IL12RB2: variants seen among roughly 807,000 people sequenced by gnomAD.
IL12RB2 encodes interleukin 12 receptor subunit beta 2, also known as interleukin-12 receptor subunit beta-2.
Under a neutral mutation model 89.4 loss-of-function variants are expected in IL12RB2, and 82 were observed. That is an observed-to-expected ratio of 0.92 (90% confidence interval 0.77 to 1.10). The LOEUF (loss-of-function observed/expected upper bound fraction) is 1.10, where lower values mean the gene tolerates loss of function less well. Ranked by LOEUF, IL12RB2 falls within the 50% of genes least tolerant of loss-of-function variation. The pLI is 0.00. For missense variants in IL12RB2, 963 were observed against 1,031.9 expected (o/e 0.93, Z 0.92); for synonymous variants, 368 against 370.1 (o/e 0.99, Z 0.07).
intron 10 of IL12RB2, among the ~76,000 whole-genome samples, chr1:67,352,748 A>G (rs1352771568): frequency 2.6e-5 from 4 of 152,256 alleles, no homozygotes; most frequent in Non-Finnish European, 4.4e-5. Context: ...AAAAGGAGCA[A>G]CAAAGATATG....
chr1:67,343,789 T>C (rs956847941), intron 9 of IL12RB2, among the ~76,000 whole-genome samples: 1 of 152,236 alleles, frequency 6.6e-6, no homozygotes, highest in Non-Finnish European at 1.5e-5. Flanking sequence ...TCTTAATTTC[T>C]TTAGCATCCT....
chr1:67,344,526 C>T (rs1660000344), intron 9 of IL12RB2, among the ~76,000 whole-genome samples: 1 of 152,196 alleles, frequency 6.6e-6, no homozygotes, highest in Non-Finnish European at 1.5e-5. Flanking sequence ...CTCCTGATCT[C>T]AAGTGATCCT....
chr1:67,372,496 G>A lies in IL12RB2; in HGVS notation c.1520G>A (p.Gly507Glu). Reference sequence around the variant, plus strand: ...GTGTATGCACTCTCAGGGGATCAAGGAGGATGCAGCTCCATCCTGGGTAAC... The same window carrying A: ...GTGTATGCACTCTCAGGGGATCAAGAAGGATGCAGCTCCATCCTGGGTAAC... ...IRVYALSGDQ[G>E]GCSSILGNSK... is the part of the protein sequence containing the mutation. The change falls in exon 12 of 17, where the codon GGA (glycine) becomes GAA (glutamate). Residue 507 changes from glycine to glutamate, a missense_variant. By Grantham distance (98) the Gly-to-Glu change is moderately conservative. Coordinates refer to ENST00000674203, the MANE Select transcript of IL12RB2 (RefSeq NM_001374259.2). 1.9e-6 allele frequency: 3 copies of A among 1,603,776 alleles called. No homozygotes were observed. Among genetic ancestry groups the A allele is most frequent in the East Asian group, 4.5e-5 (2 of 44,852 alleles).
intron 8 of IL12RB2, among the ~76,000 whole-genome samples, chr1:67,337,901 T>TAAAA (rs11449571): frequency 7.6e-6 from 1 of 132,304 alleles, no homozygotes; most frequent in African/African-American, 2.8e-5. Context: ...TGCATTCTAG[T>TAAAA]AAAAAAAAAA....
At chr1:67,329,482 C>T in intron 6 of IL12RB2, 105 bp from the exon 7 acceptor site, 4 of 794,536 alleles carry the variant, frequency 5.0e-6, no homozygotes, top group Non-Finnish European at 9.2e-6. Flanking sequence ...GGTTGTGCAT[C>T]TCAGAACTGA....
intron 9 of IL12RB2, among the ~76,000 whole-genome samples, chr1:67,340,171 G>T (rs548448899): frequency 1.3e-5 from 2 of 152,072 alleles, no homozygotes; most frequent in South Asian, 4.1e-4. Flanking sequence ...CACATAAAAC[G>T]TCTGGTATAA....
Position 67,352,134 on chromosome 1 carries a change from G to T in IL12RB2, c.1258+1045G>T, listed in dbSNP as rs144690800. Among the ~76,000 whole-genome samples, 11 of 152,196 alleles carry T rather than the reference G, an allele frequency of 7.2e-5. No homozygotes were observed. In the East Asian group the frequency reaches 1.9e-3, roughly 27 times the overall value. On this transcript the variant is annotated intron_variant, in intron 10 of 16. Coordinates refer to ENST00000674203, the MANE Select transcript of IL12RB2 (RefSeq NM_001374259.2). ...AATAAAGTATTAGATAAAATACTTA[G>T]AAGAAAATACAGGTAAGTATTAATG...
At chr1:67,368,106 C>A in intron 11 of IL12RB2, 81 bp downstream of exon 11, 1 of 905,634 alleles carries the variant, frequency 1.1e-6, no homozygotes, top group Non-Finnish European at 1.8e-6. Flanking sequence ...AGCCAGAACC[C>A]TGCCTTCAAT....
rs147149837 is a variant in IL12RB2 at position 67,337,738 on chromosome 1, G to A, written c.959-886G>A. The stretch of plus-strand genomic sequence containing the variant: ...AGGACTTCCCTTTAAGTACATCATT[G>A]TCTAATGATCACACACCAAATAATT... On this transcript the variant is annotated intron_variant, in intron 8 of 16. Transcript: ENST00000674203. 1.3e-4 allele frequency among the ~76,000 whole-genome samples: 20 copies of A among 152,158 alleles called. No individual in the cohort carries two copies. The East Asian group carries it at 3.7e-3, about 28-fold the overall frequency.
At chr1:67,380,936 C>T (rs1291566404) in intron 14 of IL12RB2, among the ~76,000 whole-genome samples, 7 of 152,170 alleles carry the variant, frequency 4.6e-5, no homozygotes, top group Non-Finnish European at 1.0e-4. Context: ...ATGCAATGAT[C>T]CTAATTTCAA....
chr1:67,330,814 T>C lies in IL12RB2; in HGVS notation c.958+4T>C. 6.6e-7 allele frequency: 1 copy of C among 1,511,658 alleles called. No homozygotes were observed. The highest frequency in any genetic ancestry group is 9.2e-7 in the Non-Finnish European group (1 of 1,086,806). The allele number at this position is 1,511,658 out of a possible 1,614,324, so 93.6% of individuals were successfully genotyped here. On this transcript the variant is annotated splice_donor_region_variant and intron_variant, in intron 8 of 16. Transcript: ENST00000674203. Reference sequence around the variant, plus strand: ...AGAGCACAAACACCAGAAGAAGGTATATGTCCAAAATATACATACCTATCG... The same window carrying C: ...AGAGCACAAACACCAGAAGAAGGTACATGTCCAAAATATACATACCTATCG...
chr1:67,345,816 A>G (rs1660152586), intron 9 of IL12RB2, among the ~76,000 whole-genome samples: 1 of 152,212 alleles, frequency 6.6e-6, no homozygotes, highest in African/African-American at 2.4e-5. Flanking sequence ...GAAAGTAGGG[A>G]ATTTTGATTG....
At chr1:67,348,363 C>T (rs1055552986) in intron 9 of IL12RB2, among the ~76,000 whole-genome samples, 1 of 152,136 alleles carries the variant, frequency 6.6e-6, no homozygotes, top group Non-Finnish European at 1.5e-5. Context: ...AGTTCATTGT[C>T]TCAGGCTTGT....
At chr1:67,391,828 A>G (rs1271321979) in intron 16 of IL12RB2, among the ~76,000 whole-genome samples, 1 of 151,870 alleles carries the variant, frequency 6.6e-6, no homozygotes, top group Non-Finnish European at 1.5e-5. Flanking sequence ...TATTTTTAGT[A>G]GAGATGAGGT....
intron 4 of IL12RB2, 23 bp from the exon 5 acceptor site, chr1:67,326,712 G>T (rs1356315459): frequency 6.2e-7 from 1 of 1,609,828 alleles, no homozygotes; most frequent in Non-Finnish European, 8.5e-7. Flanking sequence ...TGATATATAA[G>T]GTTTTGTCTT....
At chr1:67,371,843 G>A (rs1663368990) in intron 11 of IL12RB2, among the ~76,000 whole-genome samples, 1 of 152,146 alleles carries the variant, frequency 6.6e-6, no homozygotes, top group Admixed American at 6.5e-5. Context: ...GGTAACAAGG[G>A]GTCGGATTGC....
chr1:67,362,566 C>T (rs1362324244), intron 10 of IL12RB2, among the ~76,000 whole-genome samples: 1 of 126,954 alleles, frequency 7.9e-6, no homozygotes, highest in African/African-American at 2.9e-5. Flanking sequence ...GAGCGAGACT[C>T]CGTCTCAAAA....
chr1:67,309,282 G>A (rs1342031946), intron 1 of IL12RB2, among the ~76,000 whole-genome samples: 1 of 152,124 alleles, frequency 6.6e-6, no homozygotes, highest in Non-Finnish European at 1.5e-5. Context: ...TTTTACAGAT[G>A]TGGAAACTTA....
intron 2 of IL12RB2, among the ~76,000 whole-genome samples, chr1:67,319,350 A>G (rs530826472): frequency 6.6e-6 from 1 of 152,312 alleles, no homozygotes; most frequent in East Asian, 1.9e-4. Context: ...CAGATCAGAA[A>G]TTGCCAGCTT....
Sources: allele counts gnomAD v4.1 joint callset (sites outside exome capture counted in the v4.1 genomes callset), GRCh38; gene constraint gnomAD v4.1.1; transcripts MANE v1.5; gene names NCBI Gene and HGNC (gene_info 2026-07-23, HGNC 2026-07-21).